CYRIA: variants seen among roughly 807,000 people sequenced by gnomAD.
The protein encoded by CYRIA is CYFIP-related Rac1 interactor A.
A neutral mutation model predicts 43.9 loss-of-function variants in CYRIA; 15 were observed. The observed-to-expected ratio is 0.34, with a 90% CI of 0.23 to 0.53. CYRIA has a LOEUF of 0.53. Ranked by LOEUF, CYRIA falls within the 20% of genes least tolerant of loss-of-function variation. The pLI, the probability that CYRIA is intolerant of heterozygous loss-of-function variation, is 0.94. For synonymous variants in CYRIA, 117 were observed against 136.0 expected, an observed-to-expected ratio of 0.86 and a Z score of 0.97; for missense variants, 236 against 394.2, an observed-to-expected ratio of 0.60 and a Z score of 3.40.
rs58851451 is a variant in CYRIA, at chr2:16,606,546, T to TA, written c.-11+17317dup. On this transcript the variant is annotated intron_variant, in intron 2 of 11. Coordinates refer to ENST00000381323, the MANE Select transcript of CYRIA (RefSeq NM_030797.4). Reference sequence around the variant, plus strand: ...CATTCCTGTTGTCTTACAATATAACTAAAAAAAAAAAAAAACAAAATGAAA... The same window carrying TA: ...CATTCCTGTTGTCTTACAATATAACTAAAAAAAAAAAAAAAACAAAATGAAA... Among the ~76,000 whole-genome samples the TA allele has an allele frequency of 6.5e-3, 877 of 134,490 alleles. 3 individuals carry two copies. Among genetic ancestry groups the TA allele is most frequent in the East Asian group, 0.024 (109 of 4,598 alleles). 88.2% of individuals were successfully genotyped at this position (134,490 alleles called of 152,430 possible). A position where few individuals can be genotyped will look rare whatever the true frequency, so the allele number is the denominator to read the frequency against.
At chr2:16,579,218 A>G (rs997513051) in intron 3 of CYRIA, among the ~76,000 whole-genome samples, 17 of 152,334 alleles carry the variant, frequency 1.1e-4, no homozygotes, top group African/African-American at 3.8e-4. Flanking sequence ...AAAGTTAGAT[A>G]GCAATATATT....
chr2:16,625,719 G>C (rs1669141902), intron 1 of CYRIA: 1 of 152,216 alleles, frequency 6.6e-6, no homozygotes, highest in Admixed American at 6.5e-5. Context: ...GTAAGGCCCT[G>C]TTCCTCACCT....
chr2:16,581,453 T>C (rs916668168), intron 3 of CYRIA, among the ~76,000 whole-genome samples: 5 of 152,084 alleles, frequency 3.3e-5, no homozygotes, highest in African/African-American at 9.7e-5. Flanking sequence ...ATACCAAATG[T>C]TGGAGAAGAT....
intron 5 of CYRIA, among the ~76,000 whole-genome samples, chr2:16,562,531 T>C (rs992186306): frequency 2.0e-5 from 3 of 152,160 alleles, no homozygotes; most frequent in Non-Finnish European, 4.4e-5. Flanking sequence ...GATGACCGGC[T>C]TTGCAGGGAA....
At position 16,561,641 on chromosome 2, in the gene CYRIA, T is replaced by G. The variant is rs540084279; in HGVS notation, c.436-108A>C. 25 of 849,098 alleles carry G rather than the reference T, an allele frequency of 2.9e-5. No individual in the cohort carries two copies. In the South Asian group the frequency reaches 3.9e-4, roughly 13 times the overall value. The allele number at this position is 849,098 out of a possible 1,614,324, so 52.6% of individuals were successfully genotyped here. Reference sequence around the variant, plus strand: ...TTTATAAATACTCCAGGACTTCTCTTTGTTACATAAGAGTCAAAGCAACTT... The same window carrying G: ...TTTATAAATACTCCAGGACTTCTCTGTGTTACATAAGAGTCAAAGCAACTT... On this transcript the variant is annotated intron_variant, in intron 6 of 11. Coordinates refer to ENST00000381323, the MANE Select transcript of CYRIA (RefSeq NM_030797.4).
chr2:16,555,225 G>T, intron 10 of CYRIA, 86 bp from the exon 11 acceptor site: 1 of 1,227,324 alleles, frequency 8.1e-7, no homozygotes, highest in Non-Finnish European at 1.2e-6. Context: ...TGCCCATAAT[G>T]TCACATTATA....
chr2:16,575,679 C>A (rs1421408914), intron 3 of CYRIA, among the ~76,000 whole-genome samples: 3 of 151,836 alleles, frequency 2.0e-5, no homozygotes, highest in Admixed American at 2.0e-4. Flanking sequence ...CACGGTGAAA[C>A]CCCGTCTCTA....
intron 3 of CYRIA, among the ~76,000 whole-genome samples, chr2:16,574,865 G>A (rs192520979): frequency 9.8e-5 from 15 of 152,288 alleles, no homozygotes; most frequent in Admixed American, 9.2e-4. Flanking sequence ...AATGTGGGAC[G>A]GGTACCCCCA....
At chr2:16,565,852 G>T in intron 3 of CYRIA, 85 bp from the exon 4 acceptor site, 1 of 1,283,870 alleles carries the variant, frequency 7.8e-7, no homozygotes, top group Non-Finnish European at 1.0e-6. Context: ...TTACCTGCTT[G>T]ACAATCCTAT....
chr2:16,601,995 A>G (rs944734065), intron 2 of CYRIA, among the ~76,000 whole-genome samples: 5 of 152,184 alleles, frequency 3.3e-5, no homozygotes, highest in African/African-American at 1.2e-4. Context: ...TCAATGCTCA[A>G]CCTTCATGAG....
chr2:16,585,166 C>A (rs967545964), intron 3 of CYRIA, among the ~76,000 whole-genome samples: 8 of 152,094 alleles, frequency 5.3e-5, no homozygotes, highest in Non-Finnish European at 1.0e-4. Flanking sequence ...CCTTCCCTAC[C>A]CCTCCAGCCC....
intron 1 of CYRIA, among the ~76,000 whole-genome samples, chr2:16,660,111 C>A (rs186223146): frequency 6.6e-6 from 1 of 152,228 alleles, no homozygotes; most frequent in African/African-American, 2.4e-5. Flanking sequence ...ACCCTGCTAA[C>A]TAAAACGGCT....
intron 3 of CYRIA, among the ~76,000 whole-genome samples, chr2:16,566,995 C>T (rs1185159204): frequency 1.3e-5 from 2 of 152,104 alleles, no homozygotes; most frequent in Non-Finnish European, 2.9e-5. Flanking sequence ...GGGTGAAGGC[C>T]GAGTTTACAC....
intron 2 of CYRIA, among the ~76,000 whole-genome samples, chr2:16,610,915 TA>T (rs1251933135): frequency 0.024 from 1,548 of 65,304 alleles, 130 homozygotes; most frequent in African/African-American, 0.11. Flanking sequence ...TATATATATA[TA>T]TATATATATA....
intron 2 of CYRIA, among the ~76,000 whole-genome samples, chr2:16,604,118 C>CGTTAAG (rs1668297034): frequency 6.6e-6 from 1 of 152,152 alleles, no homozygotes; most frequent in Admixed American, 6.5e-5. Flanking sequence ...TTTGTTTTAT[C>CGTTAAG]GTTAAGTCTG....
chr2:16,593,852 A>G (rs1404188944), intron 2 of CYRIA, among the ~76,000 whole-genome samples: 1 of 147,034 alleles, frequency 6.8e-6, no homozygotes, highest in African/African-American at 2.5e-5. Context: ...CATTAGGTAT[A>G]TCTCCCAATG....
At position 16,580,332 on chromosome 2, in the gene CYRIA, C is replaced by A. The variant is rs115109286; in HGVS notation, c.70+7718G>T. ...CACACTATATTGATAAAGACATAAACGGATGAAAGCAAAAGAATGGGAAAA... is the reference window on the plus strand; with the variant it reads ...CACACTATATTGATAAAGACATAAAAGGATGAAAGCAAAAGAATGGGAAAA... On this transcript the variant is annotated intron_variant, in intron 3 of 11. Coordinates refer to ENST00000381323, the MANE Select transcript of CYRIA (RefSeq NM_030797.4). 5.7e-3 allele frequency among the ~76,000 whole-genome samples: 862 copies of A among 152,056 alleles called. 11 individuals are homozygous for A. The highest frequency in any genetic ancestry group is 0.02 in the African/African-American group (830 of 41,476).
rs191912924 is a variant in CYRIA, at chr2:16,567,643, A to G, written c.71-1876T>C. ...ACCAGGTCCTGCTGCCTAAGACCTG[A>G]GAAACTGGTAGAGTTTCCTAAGAAA... On this transcript the variant is annotated intron_variant, in intron 3 of 11. Coordinates refer to ENST00000381323, the MANE Select transcript of CYRIA (RefSeq NM_030797.4). Among the ~76,000 whole-genome samples, 17 of 152,252 alleles carry G rather than the reference A, an allele frequency of 1.1e-4. No homozygotes were observed. The East Asian group carries it at 3.3e-3, about 29-fold the overall frequency.
At chr2:16,606,289 T>G (rs544229768) in intron 2 of CYRIA, among the ~76,000 whole-genome samples, 7 of 152,242 alleles carry the variant, frequency 4.6e-5, no homozygotes, top group Non-Finnish European at 8.8e-5. Context: ...CTACCTGCTG[T>G]ACCCCTTGAT....
Sources: allele counts gnomAD v4.1 joint callset (sites outside exome capture counted in the v4.1 genomes callset), GRCh38; gene constraint gnomAD v4.1.1; transcripts MANE v1.5; gene names NCBI Gene and HGNC (gene_info 2026-07-23, HGNC 2026-07-21).